Variants in TTN observed in about 807,000 individuals in gnomAD.
The protein encoded by TTN is connectin.
TTN carries 1,525 observed loss-of-function variants against 3,223.0 expected under a neutral mutation model. That is an observed-to-expected ratio of 0.47 (90% CI 0.45 to 0.49). TTN has a LOEUF of 0.49. TTN is among the 20% of genes least tolerant of loss of function. The pLI, the probability that TTN is intolerant of heterozygous loss-of-function variation, is 0.00. For synonymous variants in TTN, 14,094 were observed against 15,161.0 expected, an observed-to-expected ratio of 0.93 and a Z score of 5.17; for missense variants, 40,786 against 43,424.0, an observed-to-expected ratio of 0.94 and a Z score of 5.40.
In TTN at chr2:178,612,567, G is replaced by A. The variant is rs746669146; in HGVS notation, c.49958C>T (p.Ser16653Leu). ...AATAACTTCAAGCCAGCGTGGTGGT[G>A]ATGGAGGATCTGAAAAAGAAGGAAG... is the stretch of plus-strand genomic sequence containing the variant. ...VLCREKLYPP[S>L]PPRWLEVINI... The change falls in exon 266 of 363, where the codon TCA (serine) becomes TTA (leucine). Residue 16653 changes from serine to leucine, a missense_variant. Coordinates refer to ENST00000589042, the MANE Select transcript of TTN (RefSeq NM_001267550.2). 1.9e-6 allele frequency: 3 copies of A among 1,605,746 alleles called. No homozygotes were observed. In the South Asian group the frequency reaches 3.4e-5, roughly 18 times the overall value.
chr2:178,692,963 A>G (rs1240644709), intron 119 of TTN, among the ~76,000 whole-genome samples: 1 of 151,886 alleles, frequency 6.6e-6, no homozygotes, highest in Non-Finnish European at 1.5e-5. Context: ...TTAAATGTTT[A>G]ACAATTTGGG....
rs1687804328 is a variant in TTN at position 178,528,999 on chromosome 2, C to T, written c.106752G>A (p.Leu35584=). 6.2e-7 allele frequency: 1 copy of T among 1,613,904 alleles called. No homozygotes were observed. The highest frequency in any genetic ancestry group is 8.5e-7 in the Non-Finnish European group (1 of 1,179,858). The stretch of plus-strand genomic sequence containing the variant: ...TTTCCTCATGGACAATGGATTTTTC[C>T]AGGGAGGTTGCTGCTGATTTCTTGA... ...EEVKKSAATS[L]EKSIVHEEIT... Residue 35584 remains leucine (L), a synonymous_variant, in exon 360 of 363, where the codon CTG becomes CTA. Coordinates refer to ENST00000589042, the MANE Select transcript of TTN (RefSeq NM_001267550.2).
At position 178,592,029 on chromosome 2, in the gene TTN, G is replaced by GTCCATAC; in HGVS notation, c.59868_59874dup (p.Arg19959ValfsTer8). Reference sequence around the variant, plus strand: ...TTTGGTGTTTCAACAAAAGGACCACGTCCATACTGGTTCTCCGCAGCTACT... The same window carrying GTCCATAC: ...TTTGGTGTTTCAACAAAAGGACCACGTCCATACTCCATACTGGTTCTCCGCAGCTACT... On this transcript the variant is annotated frameshift_variant, in exon 302 of 363. Transcript: ENST00000589042. LOFTEE classifies it high-confidence loss of function. 2 of 1,613,106 alleles carry GTCCATAC rather than the reference G, an allele frequency of 1.2e-6. No homozygotes were observed. The highest frequency in any genetic ancestry group is 1.7e-6 in the Non-Finnish European group (2 of 1,179,514).
In TTN at chr2:178,709,774, T is replaced by C; in HGVS notation, c.28545A>G (p.Gly9515=). Residue 9515 remains glycine, a synonymous_variant, in exon 99 of 363, where the codon GGA becomes GGG. Transcript: ENST00000589042. ...ETEGNSFKLE[G]RVAGSQPITV... ...TTATAGGTTGGGAACCAGCCACACG[T>C]CCCTCAAGTTTGAAAGAATTCCCTT... The C allele has an allele frequency of 6.2e-7, 1 of 1,613,848 alleles. No individual in the cohort carries two copies. Among genetic ancestry groups the C allele is most frequent in the Non-Finnish European group, 8.5e-7 (1 of 1,179,824 alleles).
chr2:178,675,813 C>G, intron 148 of TTN, 59 bp from the exon 149 acceptor site: 1 of 1,525,034 alleles, frequency 6.6e-7, no homozygotes, highest in South Asian at 1.2e-5. Flanking sequence ...GACAAGTAGA[C>G]ACAGCAGTAA....
rs2079262565 is a variant in TTN, at chr2:178,725,945, C to T, written c.20377G>A (p.Val6793Ile). The change falls in exon 70 of 363, where the codon GTA becomes ATA. Residue 6793 changes from valine to isoleucine, a missense_variant. Val to Ile is a conservative substitution (Grantham distance 29, BLOSUM62 3). Coordinates refer to ENST00000589042, the MANE Select transcript of TTN (RefSeq NM_001267550.2). ...ELSGTPPFEV[V>I]WYKDKRQLRS... ...AGTTGCCGCTTGTCTTTGTACCATA[C>T]CACCTCAAACGGTGGTGTTCCCGAA... 6.2e-7 allele frequency: 1 copy of T among 1,612,810 alleles called. No homozygotes were observed. Among genetic ancestry groups the T allele is most frequent in the Non-Finnish European group, 8.5e-7 (1 of 1,179,290 alleles).
In TTN at chr2:178,713,939, G is replaced by A. The variant is rs764261158; in HGVS notation, c.26719C>T (p.Pro8907Ser). The A allele has an allele frequency of 5.6e-6, 9 of 1,613,468 alleles. No individual in the cohort carries two copies. Among genetic ancestry groups the A allele is most frequent in the African/African-American group, 2.7e-5 (2 of 74,872 alleles). The part of the protein sequence containing the change: ...SGVYSFEVQN[P>S]VGKDSCTASL... Reference sequence around the variant, plus strand: ...GCTGTGCAGCTGTCTTTGCCAACAGGGTTCTGCACCTCAAAACTGTATACC... The same window carrying A: ...GCTGTGCAGCTGTCTTTGCCAACAGAGTTCTGCACCTCAAAACTGTATACC... The change falls in exon 92 of 363, where the codon CCT (proline) becomes TCT (serine). Residue 8907 changes from proline (P) to serine (S), a missense_variant. Transcript: ENST00000589042.
At position 178,712,103 on chromosome 2, in the gene TTN, T is replaced by A; in HGVS notation, c.27727A>T (p.Thr9243Ser). ...EIGVSWYKGD[T>S]KLRPTTTYKM... ...TAAGTCGTAGTGGGTCTCAATTTTG[T>A]ATCTCCTTTATACCAGGATACCCCA... The change falls in exon 96 of 363, where the codon ACA becomes TCA. Residue 9243 changes from threonine (T) to serine (S), a missense_variant. Physicochemically the swap from Thr to Ser is moderately conservative, Grantham distance 58 (BLOSUM62 1). Coordinates refer to ENST00000589042, the MANE Select transcript of TTN (RefSeq NM_001267550.2). The A allele has an allele frequency of 6.2e-7, 1 of 1,613,798 alleles. No individual in the cohort carries two copies. Among genetic ancestry groups the A allele is most frequent in the Non-Finnish European group, 8.5e-7 (1 of 1,179,780 alleles).
Position 178,607,009 on chromosome 2 carries a change from C to A in TTN, c.53581+12G>T, listed in dbSNP as rs535926889. 1.9e-5 allele frequency: 31 copies of A among 1,599,144 alleles called. No homozygotes were observed. In the East Asian group the frequency reaches 6.3e-4, roughly 32 times the overall value. Reference sequence around the variant, plus strand: ...CATTACTCTATAAACACAATGAAACCTTCTCTTTTACCTAGTGGATCAACT... The same window carrying A: ...CATTACTCTATAAACACAATGAAACATTCTCTTTTACCTAGTGGATCAACT... On this transcript the variant is annotated intron_variant, in intron 278 of 362. Transcript: ENST00000589042.
Position 178,579,381 on chromosome 2 carries a change from A to C in TTN, c.67649T>G (p.Leu22550Arg). 1 of 1,567,954 alleles carries C rather than the reference A, an allele frequency of 6.4e-7. No individual in the cohort carries two copies. Reference protein sequence around the residue: ...VARDDVVAPDLDLKGLPDLCY... With the variant: ...VARDDVVAPDRDLKGLPDLCY... The stretch of plus-strand genomic sequence containing the variant: ...CAAATCAGGTAGACCCTTTAAGTCA[A>C]GATCAGGAGCCACTGTAAAATAGCA... The change falls in exon 320 of 363, where the codon CTT becomes CGT. Residue 22550 changes from leucine (L) to arginine (R), a missense_variant. By Grantham distance (102) the Leu-to-Arg change is moderately radical. Coordinates refer to ENST00000589042, the MANE Select transcript of TTN (RefSeq NM_001267550.2).
At chr2:178,585,002 A>G in intron 309 of TTN, 34 bp from the exon 310 acceptor site, 1 of 1,608,176 alleles carries the variant, frequency 6.2e-7, no homozygotes, top group African/African-American at 1.3e-5. Flanking sequence ...ATGTAAGAAC[A>G]AGGATTTGAT....
chr2:178,709,223 A>G (rs548015483), intron 99 of TTN, among the ~76,000 whole-genome samples: 2 of 152,336 alleles, frequency 1.3e-5, no homozygotes, highest in East Asian at 3.9e-4. Flanking sequence ...GGTGATGAAC[A>G]TTAAAAAAAT....
chr2:178,559,191 G>A (rs2154157570), intron 326 of TTN, 120 bp downstream of exon 326: 2 of 835,300 alleles, frequency 2.4e-6, no homozygotes, highest in East Asian at 5.1e-5. Flanking sequence ...GAATAGTTTG[G>A]GGTGTGAAGG....
Position 178,735,692 on chromosome 2 carries a change from T to C in TTN, c.14754A>G (p.Thr4918=). 6.2e-7 allele frequency: 1 copy of C among 1,613,860 alleles called. No homozygotes were observed. The highest frequency in any genetic ancestry group is 8.5e-7 in the Non-Finnish European group (1 of 1,179,824). Residue 4918 remains threonine (T), a synonymous_variant, in exon 50 of 363, where the codon ACA becomes ACG. Coordinates refer to ENST00000589042, the MANE Select transcript of TTN (RefSeq NM_001267550.2). The stretch of plus-strand genomic sequence containing the variant: ...TTTGCCCATCTTTGCTCCACGTAAC[T>C]GTGACTTTTCTGTCTTCATCTACTT... ...ECQVDEDRKV[T]VTWSKDGQKL... is the part of the protein sequence containing the mutation.
chr2:178,760,037 C>T (rs1357290974), intron 43 of TTN, among the ~76,000 whole-genome samples: 1 of 152,202 alleles, frequency 6.6e-6, no homozygotes, highest in East Asian at 1.9e-4. Flanking sequence ...GGAGCACAGT[C>T]ACTATACCAC....
In TTN at chr2:178,680,041, T is replaced by C. The variant is rs1158118076; in HGVS notation, c.33433A>G (p.Lys11145Glu). 1 of 1,613,064 alleles carries C rather than the reference T, an allele frequency of 6.2e-7. No individual in the cohort carries two copies. Among genetic ancestry groups the C allele is most frequent in the Non-Finnish European group, 8.5e-7 (1 of 1,179,398 alleles). ...GCAACCTCTTCTGGTTCAAGTTCTT[T>C]AGGCACTTCTGGCACTTTAAAGATA... ...APPVRVPEVP[K>E]ELEPEEVAFE... Residue 11145 changes from lysine to glutamate, a missense_variant, in exon 140 of 363, where the codon AAA becomes GAA. Lys to Glu is a moderately conservative substitution (Grantham distance 56). Transcript: ENST00000589042.
chr2:178,548,895 T>A lies in TTN; in HGVS notation c.92731A>T (p.Thr30911Ser). 6.2e-7 allele frequency: 1 copy of A among 1,613,884 alleles called. No homozygotes were observed. Among genetic ancestry groups the A allele is most frequent in the East Asian group, 2.2e-5 (1 of 44,858 alleles). Residue 30911 changes from threonine (T) to serine (S), a missense_variant, in exon 339 of 363, where the codon ACT becomes TCT. Coordinates refer to ENST00000589042, the MANE Select transcript of TTN (RefSeq NM_001267550.2). This position sits in a 1 kb window ranked among gnomAD's most constrained non-coding sequence, Gnocchi z 4.3. ...CGGTCAACTGCTTTAATTGTGCCAG[T>A]CACTTCACAGCTGTCGCCTTTTCCA... ...GAGKGDSCEVTGTIKAVDRLT... is the reference protein window; with the variant it reads ...GAGKGDSCEVSGTIKAVDRLT...
At position 178,568,863 on chromosome 2, in the gene TTN, C is replaced by A. The variant is rs1307639752; in HGVS notation, c.77269G>T (p.Val25757Leu). Residue 25757 changes from valine (V) to leucine (L), a missense_variant, in exon 326 of 363, where the codon GTA (valine) becomes TTA (leucine). Physicochemically the swap from Val to Leu is conservative, Grantham distance 32. Coordinates refer to ENST00000589042, the MANE Select transcript of TTN (RefSeq NM_001267550.2). ...TCCCCTTGAGTTAGGTTGGTAATTA[C>A]TGCCTGAAGAGACTTTACTCGAGCA... ...ECARVKSLQA[V>L]ITNLTQGEEY... is the part of the protein sequence containing the mutation. The A allele has an allele frequency of 6.2e-7, 1 of 1,613,124 alleles. No homozygotes were observed. Among genetic ancestry groups the A allele is most frequent in the Non-Finnish European group, 8.5e-7 (1 of 1,179,572 alleles).
At position 178,773,880 on chromosome 2, in the gene TTN, G is replaced by A. The variant is rs761169279; in HGVS notation, c.7288C>T (p.Pro2430Ser). ...EDAGNYSFTIPALGLSTSGRV... is the reference protein window; with the variant it reads ...EDAGNYSFTISALGLSTSGRV... Reference sequence around the variant, plus strand: ...CCACTGGTGGAGAGGCCAAGGGCTGGAATGGTGAAAGAGTAATTTCCAGCA... The same window carrying A: ...CCACTGGTGGAGAGGCCAAGGGCTGAAATGGTGAAAGAGTAATTTCCAGCA... The change falls in exon 31 of 363, where the codon CCA becomes TCA. Residue 2430 changes from proline to serine, a missense_variant. Pro to Ser is a moderately conservative substitution (Grantham distance 74). Transcript: ENST00000589042. 1.2e-6 allele frequency: 2 copies of A among 1,614,120 alleles called. No homozygotes were observed. Among genetic ancestry groups the A allele is most frequent in the South Asian group, 1.1e-5 (1 of 91,076 alleles).
Sources: allele counts gnomAD v4.1 joint callset (sites outside exome capture counted in the v4.1 genomes callset), GRCh38; gene constraint gnomAD v4.1.1; non-coding constraint Gnocchi (gnomAD v3.1); transcripts MANE v1.5; gene names NCBI Gene and HGNC (gene_info 2026-07-23, HGNC 2026-07-21).